SATL1: variants seen among roughly 807,000 people sequenced by gnomAD.
The protein encoded by SATL1 is spermidine/spermine N(1)-acetyltransferase-like protein 1.
SATL1 carries 47 observed loss-of-function variants against 51.8 expected under a neutral mutation model. That is an observed-to-expected ratio of 0.91 (90% CI 0.72 to 1.16). The LOEUF (loss-of-function observed/expected upper bound fraction) is 1.16, where lower values mean the gene tolerates loss of function less well. Among genes scored for constraint, SATL1 ranks in the 50% most tolerant of loss-of-function variants. The pLI is 0.00. For synonymous variants in SATL1, 176 were observed against 182.4 expected, an observed-to-expected ratio of 0.97 and a Z score of 0.28; for missense variants, 520 against 526.4, an observed-to-expected ratio of 0.99 and a Z score of 0.12.
intron 2 of SATL1, among the ~76,000 whole-genome samples, chrX:85,135,658 A>G (rs754821131): frequency 4.8e-5 from 5 of 105,121 alleles, no homozygotes; most frequent in Non-Finnish European, 7.8e-5. Context: ...TACTGCCTCG[A>G]CCTCCCAGAC....
chrX:85,139,831 C>T (rs1291313239), intron 2 of SATL1, among the ~76,000 whole-genome samples: 1 of 111,657 alleles, frequency 9.0e-6, no homozygotes, highest in Non-Finnish European at 1.9e-5. Context: ...ATGAACACCC[C>T]AACCTGCCTT....
chrX:85,222,953 C>T (rs188895904), intron 2 of SATL1, among the ~76,000 whole-genome samples: 6 of 111,891 alleles, frequency 5.4e-5, no homozygotes, highest in African/African-American at 1.6e-4. Context: ...TAAGATTATA[C>T]GTTTATACAC....
chrX:85,238,507 T>A (rs755571067), intron 1 of SATL1, among the ~76,000 whole-genome samples: 6 of 111,145 alleles, frequency 5.4e-5, no homozygotes, highest in African/African-American at 2.0e-4. Context: ...AGCTAAAAAT[T>A]AAAACAATTG....
At chrX:85,098,711 G>A (rs965576456) in intron 4 of SATL1, among the ~76,000 whole-genome samples, 10 of 111,348 alleles carry the variant, frequency 9.0e-5, no homozygotes, top group East Asian at 8.4e-4. Context: ...ACAACCAATG[G>A]GTCAAAGAGG....
rs759085797 is a variant in SATL1, at chrX:85,108,582, C to T, written c.387G>A (p.Thr129=). The T allele has an allele frequency of 7.5e-6, 9 of 1,203,623 alleles. No homozygotes were observed. Among genetic ancestry groups the T allele is most frequent in the African/African-American group, 1.8e-5 (1 of 56,934 alleles). ...PSQSRMRQIG[T]NQSGMSQPVM... ...CTGGTTGGCTCATACCTGATTGGTT[C>T]GTGCCTATTTGCCTCATGCGTGATT... Residue 129 remains threonine, a synonymous_variant, in exon 3 of 8, where the codon ACG becomes ACA. Coordinates refer to ENST00000644105, the MANE Select transcript of SATL1 (RefSeq NM_001367857.2).
chrX:85,168,899 A>C (rs1451947218), intron 2 of SATL1, among the ~76,000 whole-genome samples: 1 of 112,084 alleles, frequency 8.9e-6, no homozygotes, highest in Admixed American at 9.5e-5. Flanking sequence ...TAACCGAAAC[A>C]GCATACTACT....
chrX:85,158,929 A>G (rs182594287), intron 2 of SATL1, among the ~76,000 whole-genome samples: 1 of 111,938 alleles, frequency 8.9e-6, no homozygotes, highest in African/African-American at 3.2e-5. Context: ...AATCCAGGAA[A>G]TTATCCTTCC....
In SATL1 at chrX:85,148,956, C is replaced by A. The variant is rs1282069947; in HGVS notation, c.-312-39676G>T. ...CATCATAATGACAGGATCAAATTCA[C>A]ACATAACAATATTAACTTTAAATGT... On this transcript the variant is annotated intron_variant, in intron 2 of 7. Coordinates refer to ENST00000644105, the MANE Select transcript of SATL1 (RefSeq NM_001367857.2). Among the ~76,000 whole-genome samples the A allele has an allele frequency of 1.2e-3, 136 of 110,666 alleles. 3 individuals are homozygous for A. The highest frequency in any genetic ancestry group is 3.8e-4 in the Non-Finnish European group (20 of 52,884).
intron 2 of SATL1, among the ~76,000 whole-genome samples, chrX:85,168,398 G>C (rs1926894149): frequency 9.0e-6 from 1 of 111,659 alleles, no homozygotes; most frequent in Non-Finnish European, 1.9e-5. Context: ...CAGCCAAAAA[G>C]CTCATTAAGC....
chrX:85,186,589 G>T (rs1927318421), intron 2 of SATL1, among the ~76,000 whole-genome samples: 1 of 111,494 alleles, frequency 9.0e-6, no homozygotes. Flanking sequence ...GGACACAGTG[G>T]TGCTTTCTGC....
At chrX:85,198,212 A>T (rs1389410685) in intron 2 of SATL1, among the ~76,000 whole-genome samples, 20 of 111,649 alleles carry the variant, frequency 1.8e-4, no homozygotes, top group African/African-American at 5.9e-4. Flanking sequence ...TATGTACTAT[A>T]TTTTCTTTCT....
intron 1 of SATL1, among the ~76,000 whole-genome samples, chrX:85,226,945 T>C (rs774814884): frequency 3.8e-4 from 42 of 111,373 alleles, no homozygotes; most frequent in Non-Finnish European, 5.9e-4. Context: ...CTTTCCCCTC[T>C]ACCTACTGCA....
intron 1 of SATL1, among the ~76,000 whole-genome samples, chrX:85,242,988 C>T (rs1398465916): frequency 9.0e-6 from 1 of 111,682 alleles, no homozygotes; most frequent in African/African-American, 3.3e-5. Context: ...TACTATCCGG[C>T]CCTTCATAGG....
chrX:85,221,309 A>G (rs775006286), intron 2 of SATL1, among the ~76,000 whole-genome samples: 346 of 111,939 alleles, frequency 3.1e-3, no homozygotes, highest in Middle Eastern at 9.3e-3. Context: ...TAAGCACACA[A>G]TACTTTACAT....
chrX:85,230,726 G>A lies in SATL1; in HGVS notation c.-434-6400C>T, dbSNP rs541146224. On this transcript the variant is annotated intron_variant, in intron 1 of 7. Coordinates refer to ENST00000644105, the MANE Select transcript of SATL1 (RefSeq NM_001367857.2). The stretch of plus-strand genomic sequence containing the variant: ...ACAAATAAAAAGCAAACAAAACAAA[G>A]CAAAAGAACCAAATAACCCAATTAA... Among the ~76,000 whole-genome samples the A allele has an allele frequency of 5.5e-4, 61 of 111,861 alleles. No individual in the cohort carries two copies. The South Asian group carries it at 0.023, about 41-fold the overall frequency.
intron 2 of SATL1, among the ~76,000 whole-genome samples, chrX:85,196,025 TC>T (rs1476761819): frequency 9.1e-6 from 1 of 109,591 alleles, no homozygotes; most frequent in Admixed American, 1.0e-4. Context: ...CAAAACACAT[TC>T]CTACAAACCC....
At chrX:85,148,811 G>T (rs1569236949) in intron 2 of SATL1, among the ~76,000 whole-genome samples, 1 of 111,273 alleles carries the variant, frequency 9.0e-6, no homozygotes, top group African/African-American at 3.3e-5. Flanking sequence ...AGCTCCTGAA[G>T]GAAGCACTAA....
At chrX:85,128,394 C>A (rs1189200638) in intron 2 of SATL1, among the ~76,000 whole-genome samples, 1 of 112,060 alleles carries the variant, frequency 8.9e-6, no homozygotes, top group Non-Finnish European at 1.9e-5. Context: ...TCTCTGATGA[C>A]CAGTGATGAT....
At chrX:85,223,589 G>C (rs941040657) in intron 2 of SATL1, among the ~76,000 whole-genome samples, 4 of 111,118 alleles carry the variant, frequency 3.6e-5, no homozygotes, top group African/African-American at 1.3e-4. Flanking sequence ...GGTCCAGAAA[G>C]TGGGTCAGAT....
Sources: gnomAD v4.1 joint callset for allele counts (sites outside exome capture counted in the v4.1 genomes callset) on GRCh38, gnomAD v4.1.1 for gene constraint, MANE v1.5 for transcripts, NCBI Gene and HGNC (gene_info 2026-07-23, HGNC 2026-07-21) for gene names.